Variants in GATA2 observed in about 807,000 individuals in gnomAD.
GATA2 encodes the protein GATA binding protein 2.
Under a neutral mutation model 35.7 loss-of-function variants are expected in GATA2, and 6 were observed. That is an observed-to-expected ratio of 0.17 (90% CI 0.09 to 0.33). The LOEUF is 0.33. Among genes scored for constraint, GATA2 ranks in the 10% least tolerant of loss-of-function variants. The pLI is 1.00. For synonymous variants in GATA2, 313 were observed against 274.9 expected (o/e 1.14, Z -1.37); for missense variants, 541 against 656.6 (o/e 0.82, Z 1.92).
rs868346073 is a variant in GATA2 at position 128,492,935 on chromosome 3, G to A, written c.-82C>T. 2 of 152,596 alleles carry A rather than the reference G, an allele frequency of 1.3e-5. No homozygotes were observed. The highest frequency in any genetic ancestry group is 4.8e-5 in the African/African-American group (2 of 41,440). The allele number at this position is 152,596 out of a possible 1,614,324, so 9.5% of individuals were successfully genotyped here. A position where few individuals can be genotyped will look rare whatever the true frequency, so the allele number is the denominator to read the frequency against. Reference sequence around the variant, plus strand: ...CGGTGGGCGGCGCCCCCGGGCGGACGGGGCCTGGAGTAGAGCTGGGAGCAG... The same window carrying A: ...CGGTGGGCGGCGCCCCCGGGCGGACAGGGCCTGGAGTAGAGCTGGGAGCAG... On this transcript the variant is annotated 5_prime_UTR_variant, in exon 1 of 6. Coordinates refer to ENST00000341105, the MANE Select transcript of GATA2 (RefSeq NM_032638.5).
At chr3:128,485,061 G>A (rs1488859431) in intron 3 of GATA2, among the ~76,000 whole-genome samples, 1 of 152,188 alleles carries the variant, frequency 6.6e-6, no homozygotes, top group Non-Finnish European at 1.5e-5. Context: ...AACCCAGTTT[G>A]GCCCCAGCCA....
At chr3:128,487,175 T>G in intron 1 of GATA2, 99 bp from the exon 2 acceptor site, 1 of 670,912 alleles carries the variant, frequency 1.5e-6, no homozygotes, top group South Asian at 2.0e-5. Flanking sequence ...CCAGCCCAGA[T>G]CCGGCGAGAA....
chr3:128,483,881 G>A lies in GATA2; in HGVS notation c.996C>T (p.Leu332=), dbSNP rs745893125. ...YHKMNGQNRP[L]IKPKRRLSAA... ...CTACCAGTCTTCGCTTGGGCTTGAT[G>A]AGTGGTCGGTTCTGCCCATTCATCT... The change falls in exon 4 of 6, where the codon CTC becomes CTT. Residue 332 remains leucine (L), a synonymous_variant. Transcript: ENST00000341105. The A allele has an allele frequency of 3.7e-6, 6 of 1,614,072 alleles. No individual in the cohort carries two copies. Among genetic ancestry groups the A allele is most frequent in the Admixed American group, 3.3e-5 (2 of 60,010 alleles).
intron 5 of GATA2, 50 bp downstream of exon 5, chr3:128,481,769 C>G (rs780026744): frequency 1.3e-6 from 2 of 1,589,424 alleles, no homozygotes; most frequent in Admixed American, 3.4e-5. Flanking sequence ...CAGCACAAAG[C>G]GCAGAGGTCC....
chr3:128,483,335 G>A lies in GATA2; in HGVS notation c.1017+525C>T, dbSNP rs916833024. ...CTTATCTTCAGGCTGCAGATGTCCGGATAGGAAACTCCGGCAGGAGATCCG... is the reference window on the plus strand; with the variant it reads ...CTTATCTTCAGGCTGCAGATGTCCGAATAGGAAACTCCGGCAGGAGATCCG... On this transcript the variant is annotated intron_variant, in intron 4 of 5. Transcript: ENST00000341105. Among the ~76,000 whole-genome samples the A allele has an allele frequency of 6.6e-6, 1 of 152,156 alleles. No homozygotes were observed. Among genetic ancestry groups the A allele is most frequent in the Non-Finnish European group, 1.5e-5 (1 of 68,032 alleles).
intron 1 of GATA2, among the ~76,000 whole-genome samples, chr3:128,491,337 C>T (rs1431539601): frequency 6.6e-6 from 1 of 152,144 alleles, no homozygotes; most frequent in African/African-American, 2.4e-5. Flanking sequence ...CTAATTGGCC[C>T]GCGGTGTGGG....
At position 128,485,910 on chromosome 3, in the gene GATA2, G is replaced by T. The variant is rs769473824; in HGVS notation, c.688C>A (p.Arg230Ser). The T allele has an allele frequency of 6.2e-7, 1 of 1,614,124 alleles. No homozygotes were observed. The highest frequency in any genetic ancestry group is 1.1e-5 in the South Asian group (1 of 91,082). Residue 230 changes from arginine (R) to serine (S), a missense_variant, in exon 3 of 6, where the codon CGC becomes AGC. Physicochemically the swap from Arg to Ser is moderately radical, Grantham distance 110. Coordinates refer to ENST00000341105, the MANE Select transcript of GATA2 (RefSeq NM_032638.5). ...SMKMESGSPL[R>S]PGLATMGTQP... The stretch of plus-strand genomic sequence containing the variant: ...GTGCCCATAGTAGCTAGGCCTGGGC[G>T]CAGGGGACTGCCACTTTCCATCTTC...
chr3:128,486,681 A>C, intron 2 of GATA2, 122 bp downstream of exon 2: 1 of 1,074,218 alleles, frequency 9.3e-7, no homozygotes, highest in Non-Finnish European at 1.4e-6. Flanking sequence ...CTCCCGCCCC[A>C]ATTTTTCAGC....
chr3:128,486,152 C>A lies in GATA2; in HGVS notation c.446G>T (p.Gly149Val). ...SVYPGAGGGS[G>V]GGSGSSVASL... Reference sequence around the variant, plus strand: ...GGCCACTGAGCTCCCGCTGCCTCCCCCGCTCCCACCCCCAGCCCCTGGGTA... The same window carrying A: ...GGCCACTGAGCTCCCGCTGCCTCCCACGCTCCCACCCCCAGCCCCTGGGTA... The change falls in exon 3 of 6, where the codon GGG becomes GTG. Residue 149 changes from glycine (G) to valine (V), a missense_variant. This residue lies in a region of GATA2 where 389 missense variants were observed against 396.9 expected (regional missense o/e 0.98). Transcript: ENST00000341105. 1 of 1,581,150 alleles carries A rather than the reference C, an allele frequency of 6.3e-7. No individual in the cohort carries two copies. The highest frequency in any genetic ancestry group is 8.6e-7 in the Non-Finnish European group (1 of 1,164,224).
At chr3:128,490,382 C>T (rs1435009144) in intron 1 of GATA2, 1 of 152,280 alleles carries the variant, frequency 6.6e-6, no homozygotes, top group Admixed American at 6.5e-5. Flanking sequence ...CCTCGGGAGA[C>T]CCGAACCAGC....
chr3:128,491,794 T>G (rs2068771391), intron 1 of GATA2, among the ~76,000 whole-genome samples: 1 of 151,820 alleles, frequency 6.6e-6, no homozygotes, highest in Non-Finnish European at 1.5e-5. Context: ...CCTTCAAGCC[T>G]GGCAGGCTCC....
rs2107668116 is a variant in GATA2, at chr3:128,481,304, C to A, written c.1158G>T (p.Leu386=). The A allele has an allele frequency of 6.2e-7, 1 of 1,613,502 alleles. No homozygotes were observed. The highest frequency in any genetic ancestry group is 1.1e-5 in the South Asian group (1 of 91,076). The stretch of plus-strand genomic sequence containing the variant: ...TCTGGATCCCTTCCTTCTTCATGGT[C>A]AGTGGCCTGTTAACCTAGAGGCAAC... The part of the protein sequence containing the change: ...YYKLHNVNRP[L]TMKKEGIQTR... The change falls in exon 6 of 6, where the codon CTG becomes CTT. Residue 386 remains leucine (L), a synonymous_variant. Coordinates refer to ENST00000341105, the MANE Select transcript of GATA2 (RefSeq NM_032638.5).
Position 128,486,227 on chromosome 3 carries a change from G to C in GATA2, c.371C>G (p.Thr124Arg). Residue 124 changes from threonine to arginine, a missense_variant, in exon 3 of 6, where the codon ACG becomes AGG. By Grantham distance (71) the Thr-to-Arg change is moderately conservative. Transcript: ENST00000341105. ...TCCAGCAGCTGAGGGGTGCAGTGGC[G>C]TCTTGGAGAAGGGGCTCACGGTCCA... ...NPWTVSPFSK[T>R]PLHPSAAGGP... The C allele has an allele frequency of 6.4e-7, 1 of 1,561,510 alleles. No homozygotes were observed. Among genetic ancestry groups the C allele is most frequent in the Non-Finnish European group, 8.7e-7 (1 of 1,152,938 alleles).
At chr3:128,483,114 G>A (rs1026494275) in intron 4 of GATA2, among the ~76,000 whole-genome samples, 1 of 152,240 alleles carries the variant, frequency 6.6e-6, no homozygotes, top group Non-Finnish European at 1.5e-5. Flanking sequence ...GGAAAAAAAG[G>A]CCCCCAAAGC....
Position 128,491,219 on chromosome 3 carries a change from C to G in GATA2, c.-46+1680G>C, listed in dbSNP as rs4131328. 3.9e-3 allele frequency among the ~76,000 whole-genome samples: 347 copies of G among 88,452 alleles called. 24 individuals are homozygous for G. The highest frequency in any genetic ancestry group is 0.015 in the African/African-American group (303 of 20,724). The allele number at this position is 88,452 out of a possible 152,430, so 58.0% of individuals were successfully genotyped here. A position where few individuals can be genotyped will look rare whatever the true frequency, so the allele number is the denominator to read the frequency against. On this transcript the variant is annotated intron_variant, in intron 1 of 5. Transcript: ENST00000341105. ...TCCCCGGCCGTCCAGCCCCCCCCCC[C>G]CTCTGAGCCCTTTGTTTAAAGTTAG... is the stretch of plus-strand genomic sequence containing the variant.
At chr3:128,483,025 C>T (rs994187261) in intron 4 of GATA2, among the ~76,000 whole-genome samples, 7 of 152,196 alleles carry the variant, frequency 4.6e-5, no homozygotes, top group African/African-American at 1.4e-4. Flanking sequence ...CAGCCTGAAG[C>T]TGGAATTCTG....
At position 128,491,216 on chromosome 3, in the gene GATA2, C is replaced by CCG. The variant is rs2068763942; in HGVS notation, c.-46+1682_-46+1683insCG. Among the ~76,000 whole-genome samples, 10 of 122,454 alleles carry CCG rather than the reference C, an allele frequency of 8.2e-5. No homozygotes were observed. The South Asian group carries it at 1.6e-3, about 20-fold the overall frequency. The allele number at this position is 122,454 out of a possible 152,430, so 80.3% of individuals were successfully genotyped here. A position where few individuals can be genotyped will look rare whatever the true frequency, so the allele number is the denominator to read the frequency against. ...GTCTCCCCGGCCGTCCAGCCCCCCC[C>CCG]CCCCTCTGAGCCCTTTGTTTAAAGT... is the stretch of plus-strand genomic sequence containing the variant. On this transcript the variant is annotated intron_variant, in intron 1 of 5. Transcript: ENST00000341105.
rs751285156 is a variant in GATA2 at position 128,481,938 on chromosome 3, C to A, written c.1024G>T (p.Ala342Ser). The A allele has an allele frequency of 1.9e-6, 3 of 1,613,364 alleles. No individual in the cohort carries two copies. The highest frequency in any genetic ancestry group is 1.3e-5 in the African/African-American group (1 of 74,916). ...GCACAACAGGTGCCGGCTCTTCTGG[C>A]GGCCGACTGGGAGGGCAAGGCAGCG... is the stretch of plus-strand genomic sequence containing the variant. ...LIKPKRRLSA[A>S]RRAGTCCANC... The change falls in exon 5 of 6, where the codon GCC (alanine) becomes TCC (serine). Residue 342 changes from alanine (A) to serine (S), a missense_variant. Ala to Ser is a moderately conservative substitution (Grantham distance 99). Transcript: ENST00000341105.
Position 128,485,750 on chromosome 3 carries a change from C to T in GATA2, c.848G>A (p.Arg283His), listed in dbSNP as rs1576748346. The change falls in exon 3 of 6, where the codon CGC becomes CAC. Residue 283 changes from arginine to histidine, a missense_variant. Arg to His is a conservative substitution (Grantham distance 29, BLOSUM62 0). Coordinates refer to ENST00000341105, the MANE Select transcript of GATA2 (RefSeq NM_032638.5). Reference protein sequence around the residue: ...GPASSFTPKQRSKARSCSEGR... With the variant: ...GPASSFTPKQHSKARSCSEGR... ...ACCTGAACAGGAACGAGCCTTGCTG[C>T]GCTGCTTAGGGGTGAAGCTGGAGGC... The T allele has an allele frequency of 6.2e-7, 1 of 1,613,864 alleles. No homozygotes were observed. The highest frequency in any genetic ancestry group is 8.5e-7 in the Non-Finnish European group (1 of 1,179,978).
Sources: gnomAD v4.1 joint callset for allele counts (sites outside exome capture counted in the v4.1 genomes callset) on GRCh38, gnomAD v4.1.1 for gene constraint, gnomAD v4.1.1 regional missense constraint, MANE v1.5 for transcripts, NCBI Gene and HGNC (gene_info 2026-07-23, HGNC 2026-07-21) for gene names.